Variants in METTL15 observed in about 807,000 individuals in gnomAD.
METTL15 encodes the protein methyltransferase 15, mitochondrial 12S rRNA N4-cytidine, also known as 12S rRNA N(4)-cytidine methyltransferase METTL15.
METTL15 carries 34 observed loss-of-function variants against 38.3 expected under a neutral mutation model. The observed-to-expected ratio is 0.89, with a 90% CI of 0.68 to 1.18. The LOEUF (loss-of-function observed/expected upper bound fraction) is 1.18. Among genes scored for constraint, METTL15 ranks in the 50% most tolerant of loss-of-function variants. The probability of loss-of-function intolerance (pLI) is 0.00; values close to 1 mark genes in which losing one functional copy is unlikely to be tolerated. For missense variants in METTL15, 438 were observed against 498.4 expected (o/e 0.88, Z 1.15); for synonymous variants, 162 against 170.9 (o/e 0.95, Z 0.41).
intron 3 of METTL15, among the ~76,000 whole-genome samples, chr11:28,116,421 T>G (rs1056341244): frequency 7.9e-5 from 12 of 152,246 alleles, no homozygotes; most frequent in Non-Finnish European, 1.6e-4. Flanking sequence ...AAATCAGTTA[T>G]TTTTATATCT....
At chr11:28,238,219 C>T (rs945609778) in intron 4 of METTL15, among the ~76,000 whole-genome samples, 5 of 152,234 alleles carry the variant, frequency 3.3e-5, no homozygotes, top group Admixed American at 3.3e-4. Context: ...GTGGAGCCTA[C>T]AGAGGCAGGC....
chr11:28,153,855 C>T (rs1402492124), intron 3 of METTL15, among the ~76,000 whole-genome samples: 2 of 152,062 alleles, frequency 1.3e-5, no homozygotes, highest in South Asian at 2.1e-4. Context: ...TCGTTAGGCT[C>T]ATTTTACAAA....
chr11:28,306,528 T>G (rs1027040545), intron 6 of METTL15, among the ~76,000 whole-genome samples: 1 of 152,040 alleles, frequency 6.6e-6, no homozygotes, highest in Non-Finnish European at 1.5e-5. Context: ...TGGATTCAGA[T>G]CTTGTCTAGG....
chr11:28,406,184 T>G (rs1197657894), intron 5 of METTL15, among the ~76,000 whole-genome samples: 1 of 152,216 alleles, frequency 6.6e-6, no homozygotes, highest in Non-Finnish European at 1.5e-5. Context: ...ATTGATTCTA[T>G]AAATTACTTT....
intron 3 of METTL15, among the ~76,000 whole-genome samples, chr11:28,343,811 A>G (rs895505038): frequency 1.3e-5 from 2 of 152,178 alleles, no homozygotes; most frequent in African/African-American, 4.8e-5. Flanking sequence ...GCAATAGAGT[A>G]AAAAAAGTGC....
At chr11:28,191,877 C>G (rs939377399) in intron 3 of METTL15, among the ~76,000 whole-genome samples, 29 of 151,614 alleles carry the variant, frequency 1.9e-4, no homozygotes, top group African/African-American at 7.0e-4. Flanking sequence ...CCTCCCTTAG[C>G]AAAGGTAATA....
chr11:28,129,127 C>A (rs965988868), intron 3 of METTL15, among the ~76,000 whole-genome samples: 1 of 152,146 alleles, frequency 6.6e-6, no homozygotes, highest in Non-Finnish European at 1.5e-5. Flanking sequence ...AACATATTCT[C>A]AAGGTTAGCT....
chr11:28,264,391 C>T (rs1286124988), intron 4 of METTL15, among the ~76,000 whole-genome samples: 1 of 151,872 alleles, frequency 6.6e-6, no homozygotes, highest in African/African-American at 2.4e-5. Context: ...TAGTAGTTGT[C>T]TGTTTTTTTA....
intron 3 of METTL15, chr11:28,163,606 C>T (rs1469036263): frequency 2.5e-6 from 1 of 394,506 alleles, no homozygotes; most frequent in East Asian, 3.6e-5. Context: ...ATTTCCTCAC[C>T]TTCAATGACT....
intron 6 of METTL15, among the ~76,000 whole-genome samples, chr11:28,310,052 C>CT (rs1857221123): frequency 2.0e-5 from 3 of 152,116 alleles, no homozygotes; most frequent in Non-Finnish European, 2.9e-5. Flanking sequence ...TAGACCCCCC[C>CT]ATCAACTACT....
At position 28,228,647 on chromosome 11, in the gene METTL15, A is replaced by G. The variant is rs1257430252; in HGVS notation, c.407+17449A>G. On this transcript the variant is annotated intron_variant, in intron 4 of 6. Transcript: ENST00000407364. ...TCTGTGTATATGTGACTGCAGTTAA[A>G]CCTTATTGTTGATGAAGTGTCTTGA... Among the ~76,000 whole-genome samples, 4 of 151,962 alleles carry G rather than the reference A, an allele frequency of 2.6e-5. No individual in the cohort carries two copies. The South Asian group carries it at 6.2e-4, about 24-fold the overall frequency.
Position 28,492,520 on chromosome 11 carries a change from C to A in METTL15, c.*425-33958C>A, listed in dbSNP as rs899865802. Among the ~76,000 whole-genome samples, 29 of 147,138 alleles carry A rather than the reference C, an allele frequency of 2.0e-4. No homozygotes were observed. The East Asian group carries it at 5.4e-3, about 27-fold the overall frequency. On this transcript the variant is annotated intron_variant and NMD_transcript_variant, in intron 6 of 7. Coordinates refer to the METTL15 transcript ENST00000532947. Reference sequence around the variant, plus strand: ...TAAATTTTAGAAAAGGCAACTGGAGCCACACACACACACACACACACACAC... The same window carrying A: ...TAAATTTTAGAAAAGGCAACTGGAGACACACACACACACACACACACACAC...
intron 6 of METTL15, among the ~76,000 whole-genome samples, chr11:28,427,975 G>C (rs574790698): frequency 1.3e-5 from 2 of 152,324 alleles, no homozygotes; most frequent in East Asian, 1.9e-4. Context: ...TGATGAGAGA[G>C]AGCATCCTTG....
At chr11:28,121,566 A>AC (rs1852234025) in intron 3 of METTL15, among the ~76,000 whole-genome samples, 1 of 152,140 alleles carries the variant, frequency 6.6e-6, no homozygotes, top group Non-Finnish European at 1.5e-5. Context: ...CTTGAGAATG[A>AC]CAACATGTTA....
intron 5 of METTL15, among the ~76,000 whole-genome samples, chr11:28,292,514 A>T (rs531678616): frequency 4.6e-5 from 7 of 152,078 alleles, no homozygotes; most frequent in African/African-American, 1.7e-4. Flanking sequence ...TGCCTCAATA[A>T]ACATACGTGT....
At position 28,383,424 on chromosome 11, in the gene METTL15, CAT is replaced by C. The variant is rs766462663; in HGVS notation, c.*358+21393_*358+21394del. On this transcript the variant is annotated intron_variant and NMD_transcript_variant, in intron 5 of 7. Coordinates refer to the METTL15 transcript ENST00000532947. The stretch of plus-strand genomic sequence containing the variant: ...GTATTGTGAATAGTGCTGGAATAAA[CAT>C]ATATGTGTTTGTGTCTTTTTGGTAG... 3.3e-5 allele frequency among the ~76,000 whole-genome samples: 5 copies of C among 152,108 alleles called. No homozygotes were observed. The East Asian group carries it at 5.8e-4, about 18-fold the overall frequency.
intron 3 of METTL15, among the ~76,000 whole-genome samples, chr11:28,194,700 A>T (rs1013255591): frequency 6.6e-6 from 1 of 152,108 alleles, no homozygotes; most frequent in East Asian, 1.9e-4. Context: ...AGATTAAAAA[A>T]AATTATTTCA....
chr11:28,475,634 A>C (rs1381287456), intron 6 of METTL15, among the ~76,000 whole-genome samples: 1 of 152,070 alleles, frequency 6.6e-6, no homozygotes, highest in Non-Finnish European at 1.5e-5. Flanking sequence ...CTCTAGTGTT[A>C]TGTTCTGTTC....
At chr11:28,262,297 A>G (rs1347502051) in intron 4 of METTL15, among the ~76,000 whole-genome samples, 2 of 151,376 alleles carry the variant, frequency 1.3e-5, no homozygotes, top group East Asian at 1.9e-4. Flanking sequence ...ATATATGTAT[A>G]TATACATATA....
Sources: gnomAD v4.1 joint callset for allele counts (sites outside exome capture counted in the v4.1 genomes callset) on GRCh38, gnomAD v4.1.1 for gene constraint, MANE v1.5 for transcripts, NCBI Gene and HGNC (gene_info 2026-07-23, HGNC 2026-07-21) for gene names.